ATP2B2: variants seen among roughly 807,000 people sequenced by gnomAD.
ATP2B2 encodes the protein plasma membrane calcium-transporting ATPase 2.
In ATP2B2, 15 loss-of-function variants were observed where a neutral mutation model predicts 120.0. That is an observed-to-expected ratio of 0.12 (90% CI 0.08 to 0.19). The LOEUF is 0.19. Among genes scored for constraint, ATP2B2 ranks in the 10% least tolerant of loss-of-function variants. ATP2B2 has a pLI of 1.00. For synonymous variants in ATP2B2, 694 were observed against 700.3 expected (o/e 0.99, Z 0.14); for missense variants, 1,045 against 1,719.8 (o/e 0.61, Z 6.94).
At chr3:10,558,058 A>G (rs2067820025) in intron 2 of ATP2B2, among the ~76,000 whole-genome samples, 1 of 152,206 alleles carries the variant, frequency 6.6e-6, no homozygotes, top group Admixed American at 6.5e-5. Flanking sequence ...TCCCAAGCAG[A>G]CTGAAGTGTG....
intron 1 of ATP2B2, among the ~76,000 whole-genome samples, chr3:10,480,116 G>A (rs1354117372): frequency 6.6e-6 from 1 of 152,150 alleles, no homozygotes; most frequent in African/African-American, 2.4e-5. Context: ...GCTTCCCAAG[G>A]TGAAGGTTCT....
At chr3:10,594,202 C>T (rs1162362492) in intron 2 of ATP2B2, among the ~76,000 whole-genome samples, 1 of 152,158 alleles carries the variant, frequency 6.6e-6, no homozygotes, top group Non-Finnish European at 1.5e-5. Context: ...TTTGACCCAG[C>T]CATCCCATTA....
chr3:10,382,345 TA>T (rs967883865), intron 8 of ATP2B2, among the ~76,000 whole-genome samples: 1 of 150,092 alleles, frequency 6.7e-6, no homozygotes, highest in African/African-American at 2.5e-5. Context: ...CCATGATGTA[TA>T]ATTTTTTTTT....
At chr3:10,392,268 G>A (rs56009958) in intron 5 of ATP2B2, among the ~76,000 whole-genome samples, 7,967 of 152,184 alleles carry the variant, frequency 0.052, 250 homozygotes, top group Middle Eastern at 0.075. Flanking sequence ...TTATAATTGG[G>A]AATACCAATG....
chr3:10,506,995 C>T (rs1257787091), upstream of ATP2B2, among the ~76,000 whole-genome samples: 4 of 152,364 alleles, frequency 2.6e-5, no homozygotes, highest in African/African-American at 9.6e-5. Context: ...GTGGGTCTCC[C>T]ACCAGTAGGC....
intron 1 of ATP2B2, among the ~76,000 whole-genome samples, chr3:10,678,080 A>G (rs921793577): frequency 6.6e-6 from 1 of 152,210 alleles, no homozygotes; most frequent in Non-Finnish European, 1.5e-5. Flanking sequence ...TCCAATGTCC[A>G]TGCTCCCAGT....
intron 3 of ATP2B2, among the ~76,000 whole-genome samples, chr3:10,516,597 T>G (rs950794787): frequency 6.6e-6 from 1 of 152,186 alleles, no homozygotes; most frequent in African/African-American, 2.4e-5. Flanking sequence ...TAACTCTTCT[T>G]CCTTCAGCCC....
At chr3:10,608,030 T>A (rs978678493) in intron 2 of ATP2B2, among the ~76,000 whole-genome samples, 4 of 152,202 alleles carry the variant, frequency 2.6e-5, no homozygotes, top group Non-Finnish European at 4.4e-5. Context: ...CACTTTGAAA[T>A]CATCCCTGAC....
intron 2 of ATP2B2, among the ~76,000 whole-genome samples, chr3:10,616,932 A>T (rs80308196): frequency 0.013 from 1,979 of 152,322 alleles, 41 homozygotes; most frequent in African/African-American, 0.045. Flanking sequence ...ATTTAAAAAA[A>T]TACAGTTTAA....
intron 2 of ATP2B2, among the ~76,000 whole-genome samples, chr3:10,555,282 T>G (rs751601470): frequency 2.0e-5 from 3 of 152,246 alleles, no homozygotes; most frequent in Non-Finnish European, 4.4e-5. Context: ...TTCTTTGGAA[T>G]CTGAGGGCTT....
intron 2 of ATP2B2, among the ~76,000 whole-genome samples, chr3:10,606,949 AGGGGGAGGGGGG>A (rs1559483301): frequency 4.6e-5 from 3 of 65,198 alleles, no homozygotes; most frequent in Admixed American, 1.6e-4. Flanking sequence ...GGAGAGGGAG[AGGGGGAGGGGGG>A]GAGAGAGAGA....
At chr3:10,377,487 C>CT (rs1405155537) in intron 10 of ATP2B2, among the ~76,000 whole-genome samples, 2 of 152,238 alleles carry the variant, frequency 1.3e-5, no homozygotes, top group African/African-American at 4.8e-5. Flanking sequence ...GTGGGAAGGC[C>CT]TTGGCATTTG....
intron 12 of ATP2B2, among the ~76,000 whole-genome samples, chr3:10,363,411 T>C (rs577193442): frequency 6.6e-6 from 1 of 152,342 alleles, no homozygotes; most frequent in South Asian, 2.1e-4. Context: ...AGGCACTTGC[T>C]CCTAGTCAGG....
intron 1 of ATP2B2, among the ~76,000 whole-genome samples, chr3:10,495,890 G>C (rs1559412352): frequency 6.6e-6 from 1 of 152,246 alleles, no homozygotes; most frequent in East Asian, 1.9e-4. Flanking sequence ...GGCACCCGCA[G>C]TCGTATACCA....
intron 2 of ATP2B2, among the ~76,000 whole-genome samples, chr3:10,548,439 C>T (rs539392864): frequency 1.0e-3 from 155 of 152,294 alleles, no homozygotes; most frequent in East Asian, 2.3e-3. Flanking sequence ...CAATGATTGA[C>T]GGGTGTTGGG....
At chr3:10,542,225 G>A (rs867187969) in intron 2 of ATP2B2, among the ~76,000 whole-genome samples, 14 of 152,132 alleles carry the variant, frequency 9.2e-5, no homozygotes, top group African/African-American at 3.4e-4. Flanking sequence ...TTGAATTGGT[G>A]TATTTGGGCC....
chr3:10,532,796 C>A (rs1484343752), intron 3 of ATP2B2, among the ~76,000 whole-genome samples: 1 of 152,142 alleles, frequency 6.6e-6, no homozygotes, highest in Non-Finnish European at 1.5e-5. Flanking sequence ...TTGTTTGCTC[C>A]CTCCCTGAGT....
In ATP2B2 at chr3:10,483,363, C is replaced by T. The variant is rs138329989; in HGVS notation, c.-320+22102G>A. On this transcript the variant is annotated intron_variant, in intron 1 of 22. Transcript: ENST00000360273. Reference sequence around the variant, plus strand: ...CTTCCCTCCAATCCTTCCTTCCTGTCAACCTACCTGTGTCCCTACCTATCT... The same window carrying T: ...CTTCCCTCCAATCCTTCCTTCCTGTTAACCTACCTGTGTCCCTACCTATCT... 3.7e-3 allele frequency among the ~76,000 whole-genome samples: 566 copies of T among 152,338 alleles called. 3 individuals carry two copies. Among genetic ancestry groups the T allele is most frequent in the African/African-American group, 0.013 (527 of 41,570 alleles).
chr3:10,454,526 T>G (rs1246040120), intron 1 of ATP2B2, among the ~76,000 whole-genome samples: 7 of 152,342 alleles, frequency 4.6e-5, no homozygotes, highest in Non-Finnish European at 1.0e-4. Context: ...TCTTCTGATG[T>G]GGCTTGTTCC....
Sources: gnomAD v4.1 joint callset for allele counts (sites outside exome capture counted in the v4.1 genomes callset) on GRCh38, gnomAD v4.1.1 for gene constraint, MANE v1.5 for transcripts, NCBI Gene and HGNC (gene_info 2026-07-23, HGNC 2026-07-21) for gene names.